Variants in CHST8 observed in about 807,000 individuals in gnomAD.
The protein encoded by CHST8 is carbohydrate sulfotransferase 8, also known as GALNAC-4-ST1.
Under a neutral mutation model 15.0 loss-of-function variants are expected in CHST8, and 10 were observed. That is an observed-to-expected ratio of 0.67 (90% CI 0.41 to 1.13). The LOEUF is 1.13. Among genes scored for constraint, CHST8 ranks in the 50% most tolerant of loss-of-function variants. The pLI, the probability that CHST8 is intolerant of heterozygous loss-of-function variation, is 0.00. For missense variants in CHST8, 634 were observed against 608.2 expected, an observed-to-expected ratio of 1.04 and a Z score of -0.45; for synonymous variants, 259 against 256.6, an observed-to-expected ratio of 1.01 and a Z score of -0.09.
chr19:33,772,163 C>A lies in CHST8; in HGVS notation c.375C>A (p.Ile125=), dbSNP rs762693201. The A allele has an allele frequency of 6.2e-7, 1 of 1,602,018 alleles. No individual in the cohort carries two copies. Among genetic ancestry groups the A allele is most frequent in the South Asian group, 1.1e-5 (1 of 90,178 alleles). ...LIKKMPAAAT[I]PANSSDAPFI... is the part of the protein sequence containing the mutation. Reference sequence around the variant, plus strand: ...AGAAAATGCCAGCTGCGGCGACCATCCCGGCCAACAGCTCGGACGCGCCCT... The same window carrying A: ...AGAAAATGCCAGCTGCGGCGACCATACCGGCCAACAGCTCGGACGCGCCCT... The change falls in exon 5 of 5, where the codon ATC becomes ATA. Residue 125 remains isoleucine (I), a synonymous_variant. Transcript: ENST00000650847.
chr19:33,771,317 CA>C (rs1974978135), intron 3 of CHST8, 95 bp from the exon 4 acceptor site: 1 of 1,243,234 alleles, frequency 8.0e-7, no homozygotes, highest in African/African-American at 1.5e-5. Flanking sequence ...AAGATCCCTC[CA>C]GCCTGGATGT....
At chr19:33,637,733 C>T (rs1972223723) in intron 1 of CHST8, among the ~76,000 whole-genome samples, 1 of 144,916 alleles carries the variant, frequency 6.9e-6, no homozygotes, top group African/African-American at 2.5e-5. Flanking sequence ...TGTGGTGGCT[C>T]ACGCCTGTAA....
chr19:33,640,911 C>G (rs961467881), intron 1 of CHST8, among the ~76,000 whole-genome samples: 5 of 152,100 alleles, frequency 3.3e-5, no homozygotes. Flanking sequence ...AGGGGCGCCC[C>G]GGGATGGGAA....
At chr19:33,726,309 C>T (rs1973897547) in intron 3 of CHST8, among the ~76,000 whole-genome samples, 3 of 152,168 alleles carry the variant, frequency 2.0e-5, no homozygotes, top group African/African-American at 4.8e-5. Flanking sequence ...GCCTGTAATC[C>T]CAGCACTGTG....
intron 3 of CHST8, among the ~76,000 whole-genome samples, chr19:33,749,147 A>G (rs11673511): frequency 3.3e-5 from 5 of 152,006 alleles, no homozygotes; most frequent in African/African-American, 9.7e-5. Context: ...GGGCTCCCCC[A>G]CCTCACCACA....
intron 1 of CHST8, among the ~76,000 whole-genome samples, chr19:33,646,301 G>C (rs1972355818): frequency 6.6e-6 from 1 of 152,066 alleles, no homozygotes; most frequent in African/African-American, 2.4e-5. Flanking sequence ...GAAATTATAG[G>C]GGGTAGAAGT....
intron 2 of CHST8, among the ~76,000 whole-genome samples, chr19:33,688,182 C>G (rs1411632346): frequency 6.6e-6 from 1 of 152,258 alleles, no homozygotes; most frequent in Non-Finnish European, 1.5e-5. Flanking sequence ...GCCCTCTCTA[C>G]ACACCACTGC....
intron 1 of CHST8, among the ~76,000 whole-genome samples, chr19:33,657,884 A>T (rs893372033): frequency 1.3e-5 from 2 of 152,174 alleles, no homozygotes; most frequent in African/African-American, 4.8e-5. Flanking sequence ...ATACATACTT[A>T]ACTATAAATT....
rs190195714 is a variant in CHST8 at position 33,713,837 on chromosome 19, C to T, written c.130+24446C>T. ...GGCCTCCTAGTGTTGGAATTACAGG[C>T]GTTGAGTTACCACACCCAGCCACTG... On this transcript the variant is annotated intron_variant, in intron 3 of 4. Coordinates refer to ENST00000650847, the MANE Select transcript of CHST8 (RefSeq NM_001127895.2). Among the ~76,000 whole-genome samples the T allele has an allele frequency of 5.5e-3, 833 of 152,140 alleles. 9 individuals carry two copies. The highest frequency in any genetic ancestry group is 8.5e-3 in the Non-Finnish European group (580 of 68,014).
intron 1 of CHST8, among the ~76,000 whole-genome samples, chr19:33,638,966 C>T (rs1385089697): frequency 1.3e-5 from 2 of 151,692 alleles, no homozygotes; most frequent in African/African-American, 2.4e-5. Context: ...TTTCTTGTTG[C>T]TGCTGACCTT....
chr19:33,724,997 C>T (rs528992711), intron 3 of CHST8, among the ~76,000 whole-genome samples: 9 of 152,172 alleles, frequency 5.9e-5, no homozygotes, highest in Admixed American at 6.5e-5. Context: ...ACAGAGCTCC[C>T]GGGAGCCATC....
chr19:33,649,043 A>G (rs1188525396), intron 1 of CHST8, among the ~76,000 whole-genome samples: 1 of 151,548 alleles, frequency 6.6e-6, no homozygotes, highest in African/African-American at 2.4e-5. Flanking sequence ...AGCTGGGACT[A>G]CAGGCGCCCG....
chr19:33,727,997 G>A (rs1246905342), intron 3 of CHST8, among the ~76,000 whole-genome samples: 2 of 152,274 alleles, frequency 1.3e-5, no homozygotes, highest in Non-Finnish European at 2.9e-5. Context: ...CACCAATGTG[G>A]GACTTTGGTA....
chr19:33,685,688 T>C (rs1972965693), intron 2 of CHST8, among the ~76,000 whole-genome samples: 1 of 151,704 alleles, frequency 6.6e-6, no homozygotes, highest in Non-Finnish European at 1.5e-5. Context: ...CCCCCAGCCT[T>C]CCAGGCCCCA....
intron 1 of CHST8, among the ~76,000 whole-genome samples, chr19:33,642,766 TG>T (rs1321605544): frequency 1.3e-5 from 2 of 152,246 alleles, no homozygotes; most frequent in African/African-American, 4.8e-5. Flanking sequence ...TGGCATACAT[TG>T]TCCCAGAGAA....
chr19:33,732,792 G>A (rs557638162), intron 3 of CHST8, among the ~76,000 whole-genome samples: 3 of 152,222 alleles, frequency 2.0e-5, no homozygotes, highest in African/African-American at 7.2e-5. Context: ...GCATCTTAGA[G>A]GAAGAGACAA....
intron 3 of CHST8, among the ~76,000 whole-genome samples, chr19:33,697,447 G>T (rs766563040): frequency 5.3e-5 from 8 of 151,774 alleles, no homozygotes. Context: ...GCCCAGGCTG[G>T]TCTCGAACTC....
chr19:33,629,617 T>C (rs899306184), intron 1 of CHST8, among the ~76,000 whole-genome samples: 1 of 152,202 alleles, frequency 6.6e-6, no homozygotes, highest in Non-Finnish European at 1.5e-5. Context: ...GTCACCCCAT[T>C]TCCCGTTGTG....
chr19:33,721,453 G>T (rs1973787133), intron 3 of CHST8, among the ~76,000 whole-genome samples: 1 of 152,222 alleles, frequency 6.6e-6, no homozygotes, highest in Non-Finnish European at 1.5e-5. Context: ...CATGTCTGTT[G>T]TGTGGTTGGA....
Sources: allele counts gnomAD v4.1 joint callset (sites outside exome capture counted in the v4.1 genomes callset), GRCh38; gene constraint gnomAD v4.1.1; transcripts MANE v1.5; gene names NCBI Gene and HGNC (gene_info 2026-07-23, HGNC 2026-07-21).